The following ITK variants were observed in gnomAD, a reference collection of about 807,000 sequenced individuals.
ITK encodes IL2 inducible T cell kinase, also known as tyrosine-protein kinase ITK/TSK.
Under a neutral mutation model 87.6 loss-of-function variants are expected in ITK, and 45 were observed. The ratio of observed to expected loss-of-function variants is 0.51; its 90% CI spans 0.40 to 0.66. The LOEUF is 0.66. Ranked by LOEUF, ITK falls within the 30% of genes least tolerant of loss-of-function variation. ITK has a pLI of 0.00. For synonymous variants in ITK, 303 were observed against 273.6 expected (o/e 1.11, Z -1.06); for missense variants, 605 against 766.3 (o/e 0.79, Z 2.48).
intron 15 of ITK, among the ~76,000 whole-genome samples, chr5:157,247,157 T>C (rs2113776654): frequency 6.6e-6 from 1 of 152,284 alleles, no homozygotes; most frequent in East Asian, 1.9e-4. Context: ...GCTAGGTAAA[T>C]CTTTTAGGAG....
intron 3 of ITK, 116 bp from the exon 4 acceptor site, chr5:157,214,075 G>C (rs1387029163): frequency 2.4e-6 from 2 of 826,550 alleles, no homozygotes; most frequent in Admixed American, 3.4e-5. Flanking sequence ...TGAGTGGTCT[G>C]GGCAATACTC....
intron 16 of ITK, among the ~76,000 whole-genome samples, chr5:157,251,326 G>C (rs1024868298): frequency 3.9e-5 from 6 of 151,986 alleles, no homozygotes; most frequent in African/African-American, 1.4e-4. Context: ...CAGATCTTTT[G>C]CCCATTTCTC....
chr5:157,202,782 T>C (rs1381259483), intron 1 of ITK, among the ~76,000 whole-genome samples: 1 of 152,240 alleles, frequency 6.6e-6, no homozygotes, highest in Non-Finnish European at 1.5e-5. Flanking sequence ...TATTACTTGT[T>C]ATGTTTTGCA....
chr5:157,243,489 A>T (rs1754955546), intron 11 of ITK, 134 bp from the exon 12 acceptor site: 2 of 778,974 alleles, frequency 2.6e-6, no homozygotes, highest in Non-Finnish European at 4.6e-6. Flanking sequence ...TGGGAAAAAG[A>T]TAATTTATTT....
At chr5:157,243,277 A>G (rs1350289996) in intron 11 of ITK, among the ~76,000 whole-genome samples, 1 of 152,242 alleles carries the variant, frequency 6.6e-6, no homozygotes, top group Non-Finnish European at 1.5e-5. Context: ...TAATAGATGA[A>G]TGAATGAAAG....
Position 157,214,172 on chromosome 5 carries a change from T to C in ITK, c.326-19T>C, listed in dbSNP as rs779980664. The C allele has an allele frequency of 6.2e-7, 1 of 1,609,100 alleles. No individual in the cohort carries two copies. Among genetic ancestry groups the C allele is most frequent in the South Asian group, 1.1e-5 (1 of 91,004 alleles). ...ACTGACCTGGAAATAACTCTTCTGT[T>C]GGTGCCAACCTGTTTCAGAAACGAG... On this transcript the variant is annotated intron_variant, in intron 3 of 16. Coordinates refer to ENST00000422843, the MANE Select transcript of ITK (RefSeq NM_005546.4).
intron 15 of ITK, among the ~76,000 whole-genome samples, chr5:157,248,307 G>C (rs1048663957): frequency 6.6e-6 from 1 of 152,168 alleles, no homozygotes; most frequent in African/African-American, 2.4e-5. Context: ...GATTAAATCA[G>C]AGGTCAAAAA....
At chr5:157,237,053 C>T (rs1231121790) in intron 8 of ITK, among the ~76,000 whole-genome samples, 1 of 152,182 alleles carries the variant, frequency 6.6e-6, no homozygotes. Flanking sequence ...CCCAGCAATC[C>T]TATTACAGGG....
intron 3 of ITK, among the ~76,000 whole-genome samples, chr5:157,213,322 C>T (rs1180166719): frequency 3.3e-5 from 5 of 152,232 alleles, no homozygotes; most frequent in African/African-American, 1.2e-4. Flanking sequence ...CCTGGTCTCT[C>T]CCTCAACACG....
intron 1 of ITK, among the ~76,000 whole-genome samples, chr5:157,198,911 T>A (rs1753904491): frequency 6.6e-6 from 1 of 152,080 alleles, no homozygotes. Flanking sequence ...TACGGGCATG[T>A]GCCACCACAC....
At chr5:157,212,422 T>G (rs1369395939) in intron 3 of ITK, among the ~76,000 whole-genome samples, 1 of 152,156 alleles carries the variant, frequency 6.6e-6, no homozygotes, top group Non-Finnish European at 1.5e-5. Context: ...ATCCCGAGGT[T>G]GTTGTGAGCC....
At chr5:157,199,759 G>A (rs942266401) in intron 1 of ITK, 1 of 152,170 alleles carries the variant, frequency 6.6e-6, no homozygotes, top group Non-Finnish European at 1.5e-5. Context: ...GATGAAACAG[G>A]ATGGAATGTT....
chr5:157,243,410 T>A (rs1738248438), intron 11 of ITK, among the ~76,000 whole-genome samples: 2 of 152,212 alleles, frequency 1.3e-5, no homozygotes, highest in South Asian at 4.1e-4. Flanking sequence ...TTAATGCCAC[T>A]CTCCTTCTTT....
chr5:157,244,323 T>C lies in ITK; in HGVS notation c.1294T>C (p.Cys432Arg), dbSNP rs1418454466. The C allele has an allele frequency of 6.2e-7, 1 of 1,614,102 alleles. No individual in the cohort carries two copies. ...GGTGTGCCTGGAGCAGGCCCCCATC[T>C]GCCTGGTGTTTGAGTTCATGGAGCA... ...YGVCLEQAPICLVFEFMEHGC... is the reference protein window; with the variant it reads ...YGVCLEQAPIRLVFEFMEHGC... The change falls in exon 13 of 17, where the codon TGC becomes CGC. Residue 432 changes from cysteine to arginine, a missense_variant. Physicochemically the swap from Cys to Arg is radical, Grantham distance 180. This residue lies in a region of ITK where 464 missense variants were observed against 578.0 expected (regional missense o/e 0.80). Coordinates refer to ENST00000422843, the MANE Select transcript of ITK (RefSeq NM_005546.4).
intron 2 of ITK, among the ~76,000 whole-genome samples, chr5:157,210,701 C>A (rs1176336698): frequency 2.7e-5 from 3 of 112,334 alleles, no homozygotes; most frequent in South Asian, 3.8e-4. Flanking sequence ...CCCCTCCCCC[C>A]ACCCCACCAC....
chr5:157,246,308 G>A lies in ITK; in HGVS notation c.1633+309G>A, dbSNP rs796370262. Among the ~76,000 whole-genome samples the A allele has an allele frequency of 5.1e-4, 78 of 152,288 alleles. 1 individual carries two copies. The highest frequency in any genetic ancestry group is 1.8e-3 in the African/African-American group (73 of 41,554). On this transcript the variant is annotated intron_variant, in intron 15 of 16. Coordinates refer to ENST00000422843, the MANE Select transcript of ITK (RefSeq NM_005546.4). Reference sequence around the variant, plus strand: ...CAAATATGAGCCCCTTGAAGGCAGGGACCATGTTTTGTCCAACACTACATT... The same window carrying A: ...CAAATATGAGCCCCTTGAAGGCAGGAACCATGTTTTGTCCAACACTACATT...
intron 11 of ITK, among the ~76,000 whole-genome samples, chr5:157,242,902 G>A (rs1325650188): frequency 6.6e-6 from 1 of 152,260 alleles, no homozygotes; most frequent in Non-Finnish European, 1.5e-5. Flanking sequence ...AATACTGCCT[G>A]CTGTTGAGTC....
chr5:157,231,499 T>C (rs1388690192), intron 7 of ITK, among the ~76,000 whole-genome samples: 1 of 152,236 alleles, frequency 6.6e-6, no homozygotes, highest in Non-Finnish European at 1.5e-5. Context: ...TCAAAACCTC[T>C]AACGAATCCA....
Position 157,222,881 on chromosome 5 carries a change from GA to G in ITK, c.516del (p.Glu173LysfsTer92). 6.2e-7 allele frequency: 1 copy of G among 1,614,030 alleles called. No homozygotes were observed. Among genetic ancestry groups the G allele is most frequent in the Non-Finnish European group, 8.5e-7 (1 of 1,180,012 alleles). On this transcript the variant is annotated frameshift_variant, in exon 6 of 17. Coordinates refer to ENST00000422843, the MANE Select transcript of ITK (RefSeq NM_005546.4). LOFTEE classifies it high-confidence loss of function. ...EDNRRPLWEPEETVVIALYDY... is the reference protein window; with the variant it reads ...EDNRRPLWEPXETVVIALYDY... ...TCCCCAGCGACCACTTTGGGAACCT[GA>G]AGAAACTGTGGTCATTGCCTTATAT...
Sources: gnomAD v4.1 joint callset for allele counts (sites outside exome capture counted in the v4.1 genomes callset) on GRCh38, gnomAD v4.1.1 for gene constraint, gnomAD v4.1.1 regional missense constraint, MANE v1.5 for transcripts, NCBI Gene and HGNC (gene_info 2026-07-23, HGNC 2026-07-21) for gene names.